Variants in PDZD2 observed in about 807,000 individuals in gnomAD.
PDZD2 encodes the protein PDZ domain containing 2, also known as PDZ domain-containing protein 2.
A neutral mutation model predicts 220.7 loss-of-function variants in PDZD2; 90 were observed. The ratio of observed to expected loss-of-function variants is 0.41; its 90% CI spans 0.34 to 0.49. The LOEUF (loss-of-function observed/expected upper bound fraction) is 0.49. PDZD2 is among the 20% of genes least tolerant of loss of function. The pLI, the probability that PDZD2 is intolerant of heterozygous loss-of-function variation, is 0.28. For missense variants in PDZD2, 3,174 were observed against 3,608.5 expected (o/e 0.88, Z 3.08); for synonymous variants, 1,375 against 1,450.5 (o/e 0.95, Z 1.18).
chr5:31,910,217 A>ATTT (rs70957978), intron 2 of PDZD2, among the ~76,000 whole-genome samples: 1,110 of 106,734 alleles, frequency 0.01, 46 homozygotes, highest in South Asian at 0.033. Context: ...GAGTTCCTGC[A>ATTT]TTTTTTTTTT....
chr5:32,100,465 C>T (rs1744151652), intron 23 of PDZD2: 1 of 246,488 alleles, frequency 4.1e-6, no homozygotes, highest in African/African-American at 2.3e-5. Context: ...CCGGCATCAC[C>T]ATGGAAACAC....
intron 2 of PDZD2, among the ~76,000 whole-genome samples, chr5:31,964,737 G>A (rs1748563905): frequency 6.6e-6 from 1 of 151,838 alleles, no homozygotes; most frequent in Admixed American, 6.6e-5. Flanking sequence ...ATTTTTTGAG[G>A]CGGAGTCTCG....
intron 2 of PDZD2, among the ~76,000 whole-genome samples, chr5:31,982,033 G>A (rs549621501): frequency 5.3e-5 from 8 of 152,198 alleles, no homozygotes; most frequent in Admixed American, 4.6e-4. Flanking sequence ...ATGAAAAAGC[G>A]ACTGACCCTG....
intron 2 of PDZD2, among the ~76,000 whole-genome samples, chr5:31,817,732 C>G (rs572099775): frequency 6.6e-6 from 1 of 152,148 alleles, no homozygotes. Flanking sequence ...GGTGCAATCT[C>G]GGCTCACTGC....
Position 31,741,375 on chromosome 5 carries a change from T to TAA in PDZD2, c.-360-57510_-360-57509dup, listed in dbSNP as rs34030596. Among the ~76,000 whole-genome samples the TAA allele has an allele frequency of 6.8e-3, 1,007 of 147,956 alleles. 7 individuals are homozygous for TAA. The highest frequency in any genetic ancestry group is 0.012 in the Non-Finnish European group (789 of 67,742). On this transcript the variant is annotated intron_variant, in intron 1 of 24. Coordinates refer to ENST00000438447, the MANE Select transcript of PDZD2 (RefSeq NM_178140.4). ...TAAAGCCAAGATTTTTTTTTTTTTT[T>TAA]AAAAAGGCTCCTCCCAGAATTTTTT... is the stretch of plus-strand genomic sequence containing the variant.
chr5:31,820,012 G>T (rs1446233221), intron 2 of PDZD2, among the ~76,000 whole-genome samples: 11 of 152,180 alleles, frequency 7.2e-5, no homozygotes. Flanking sequence ...TTTGGCAAGG[G>T]ATTTTATTCC....
intron 2 of PDZD2, among the ~76,000 whole-genome samples, chr5:31,941,466 G>T (rs1056938820): frequency 6.6e-6 from 1 of 152,216 alleles, no homozygotes; most frequent in Non-Finnish European, 1.5e-5. Flanking sequence ...TCTAAGTGCT[G>T]CAGGAAAGAA....
At chr5:32,072,536 G>A (rs528075541) in intron 17 of PDZD2, among the ~76,000 whole-genome samples, 1 of 152,288 alleles carries the variant, frequency 6.6e-6, no homozygotes, top group Non-Finnish European at 1.5e-5. Context: ...TTCAAGACCA[G>A]CCTGGCTAAC....
chr5:31,867,560 G>A (rs894004386), intron 2 of PDZD2, among the ~76,000 whole-genome samples: 4 of 152,048 alleles, frequency 2.6e-5, no homozygotes, highest in South Asian at 2.1e-4. Context: ...GGCCCTTCAC[G>A]GGTCTATATT....
chr5:32,018,847 G>A (rs1367132695), intron 6 of PDZD2, among the ~76,000 whole-genome samples: 2 of 152,254 alleles, frequency 1.3e-5, no homozygotes, highest in Non-Finnish European at 2.9e-5. Flanking sequence ...TAGGAAAGAC[G>A]AGACTGCAAT....
chr5:32,043,449 C>T (rs556462640), intron 7 of PDZD2, among the ~76,000 whole-genome samples: 6 of 152,288 alleles, frequency 3.9e-5, no homozygotes, highest in African/African-American at 1.2e-4. Flanking sequence ...TTTCTTTATC[C>T]GTAAAATGAG....
chr5:31,829,091 T>G (rs561230127), intron 2 of PDZD2, among the ~76,000 whole-genome samples: 4 of 152,316 alleles, frequency 2.6e-5, no homozygotes, highest in South Asian at 2.1e-4. Flanking sequence ...ATAGAGTTTT[T>G]GGGGGCTTCC....
chr5:31,955,984 A>T (rs1349172684), intron 2 of PDZD2, among the ~76,000 whole-genome samples: 1 of 152,162 alleles, frequency 6.6e-6, no homozygotes, highest in Non-Finnish European at 1.5e-5. Flanking sequence ...TGGTTGGAAG[A>T]GATACTTGAT....
rs1561563822 is a variant in PDZD2 at position 32,089,724 on chromosome 5, C to A, written c.6276C>A (p.Ile2092=). The A allele has an allele frequency of 6.2e-7, 1 of 1,614,154 alleles. No individual in the cohort carries two copies. Among genetic ancestry groups the A allele is most frequent in the Non-Finnish European group, 8.5e-7 (1 of 1,180,012 alleles). Residue 2092 remains isoleucine (I), a synonymous_variant, in exon 20 of 25, where the codon ATC becomes ATA. Transcript: ENST00000438447. ...TCGAAAGAACAAACCAGCTGAAAATCGTGGAGATTTCTGCTGAAGCAGTGT... is the reference window on the plus strand; with the variant it reads ...TCGAAAGAACAAACCAGCTGAAAATAGTGGAGATTTCTGCTGAAGCAGTGT... ...DRLERTNQLK[I]VEISAEAVSE... is the part of the protein sequence containing the mutation.
At chr5:31,864,162 C>G (rs1199437354) in intron 2 of PDZD2, among the ~76,000 whole-genome samples, 1 of 152,186 alleles carries the variant, frequency 6.6e-6, no homozygotes, top group Admixed American at 6.6e-5. Flanking sequence ...CCTAACCTTG[C>G]TGGGCTTCTG....
At chr5:31,753,254 A>G (rs1184185315) in intron 1 of PDZD2, among the ~76,000 whole-genome samples, 1 of 152,238 alleles carries the variant, frequency 6.6e-6, no homozygotes, top group Non-Finnish European at 1.5e-5. Context: ...AGACAAAAGC[A>G]TACGTGCATG....
chr5:32,002,850 CAA>C (rs1752322580), intron 5 of PDZD2, among the ~76,000 whole-genome samples: 1 of 115,410 alleles, frequency 8.7e-6, no homozygotes, highest in African/African-American at 3.3e-5. Flanking sequence ...CACCACACAC[CAA>C]CACACACACA....
intron 2 of PDZD2, among the ~76,000 whole-genome samples, chr5:31,901,936 CTTTG>C (rs1319044682): frequency 6.6e-6 from 1 of 152,204 alleles, no homozygotes. Flanking sequence ...TCTGTCACTA[CTTTG>C]TTTCTTTTTA....
At chr5:31,889,946 C>T (rs895526881) in intron 2 of PDZD2, among the ~76,000 whole-genome samples, 6 of 151,556 alleles carry the variant, frequency 4.0e-5, no homozygotes, top group African/African-American at 7.3e-5. Context: ...TGCTTGAACC[C>T]GGGGGGGCAG....
Sources: allele counts gnomAD v4.1 joint callset (sites outside exome capture counted in the v4.1 genomes callset), GRCh38; gene constraint gnomAD v4.1.1; transcripts MANE v1.5; gene names NCBI Gene and HGNC (gene_info 2026-07-23, HGNC 2026-07-21).